C8orf76: variants seen among roughly 807,000 people sequenced by gnomAD.
C8orf76 encodes uncharacterized protein C8orf76.
C8orf76 carries 46 observed loss-of-function variants against 38.1 expected under a neutral mutation model. The observed-to-expected ratio is 1.21, with a 90% CI of 0.95 to 1.54. The LOEUF is 1.54. C8orf76 is among the 40% of genes most tolerant of loss of function. The probability of loss-of-function intolerance (pLI) is 0.00; values close to 1 mark genes in which losing one functional copy is unlikely to be tolerated. For missense variants in C8orf76, 461 were observed against 441.6 expected, an observed-to-expected ratio of 1.04 and a Z score of -0.39; for synonymous variants, 166 against 167.5, an observed-to-expected ratio of 0.99 and a Z score of 0.07.
chr8:123,225,801 T>G (rs929517601), intron 5 of C8orf76, among the ~76,000 whole-genome samples: 8 of 152,092 alleles, frequency 5.3e-5, no homozygotes, highest in African/African-American at 1.9e-4. Flanking sequence ...GGCACATGCC[T>G]GTGATCCCAG....
At chr8:123,233,079 G>A (rs1297873991) in intron 3 of C8orf76, among the ~76,000 whole-genome samples, 1 of 151,638 alleles carries the variant, frequency 6.6e-6, no homozygotes, top group Non-Finnish European at 1.5e-5. Context: ...GGAGTGCAAT[G>A]GTGCGATCTC....
At chr8:123,229,254 A>G (rs1407897219) in intron 4 of C8orf76, among the ~76,000 whole-genome samples, 1 of 152,252 alleles carries the variant, frequency 6.6e-6, no homozygotes, top group Non-Finnish European at 1.5e-5. Flanking sequence ...GTCTGGAATC[A>G]GAGACCAGCT....
chr8:123,226,347 C>T, intron 5 of C8orf76, 153 bp downstream of exon 5: 2 of 1,476,450 alleles, frequency 1.4e-6, no homozygotes, highest in South Asian at 1.4e-5. Context: ...AAGAGGCCGC[C>T]TTGGTGATTG....
chr8:123,221,762 C>T (rs1380522110), intron 5 of C8orf76, among the ~76,000 whole-genome samples: 1 of 151,778 alleles, frequency 6.6e-6, no homozygotes, highest in African/African-American at 2.4e-5. Context: ...AAAAATCAGC[C>T]GGGTATGGCA....
intron 5 of C8orf76, among the ~76,000 whole-genome samples, chr8:123,222,045 G>C (rs1313877027): frequency 1.3e-5 from 2 of 152,200 alleles, no homozygotes; most frequent in Non-Finnish European, 2.9e-5. Context: ...CTGGAGTGCA[G>C]TGGTGCAATC....
rs1825589947 is a variant in C8orf76, at chr8:123,238,937, A to G, written c.213+112T>C. ...CCTCAGATTATAAACACACATCACA[A>G]AAGATTAAACTCATCTTCATAAACA... On this transcript the variant is annotated intron_variant, in intron 2 of 5. Coordinates refer to ENST00000276704, the MANE Select transcript of C8orf76 (RefSeq NM_032847.3). The G allele has an allele frequency of 3.6e-6, 4 of 1,097,022 alleles. No homozygotes were observed. In the African/African-American group the frequency reaches 4.7e-5, roughly 13 times the overall value. The allele number at this position is 1,097,022 out of a possible 1,614,324, so 68.0% of individuals were successfully genotyped here.
chr8:123,233,704 G>A (rs1249834255), intron 3 of C8orf76, among the ~76,000 whole-genome samples: 3 of 151,828 alleles, frequency 2.0e-5, no homozygotes, highest in Admixed American at 6.6e-5. Flanking sequence ...AGGGTTTTGA[G>A]AGGTGGATTA....
At chr8:123,225,851 A>G (rs963261010) in intron 5 of C8orf76, among the ~76,000 whole-genome samples, 1 of 152,036 alleles carries the variant, frequency 6.6e-6, no homozygotes, top group Non-Finnish European at 1.5e-5. Context: ...CTTGAACCCA[A>G]GAGGTAGAGG....
chr8:123,231,010 C>G (rs1825243878), intron 4 of C8orf76, among the ~76,000 whole-genome samples: 1 of 152,096 alleles, frequency 6.6e-6, no homozygotes, highest in African/African-American at 2.4e-5. Flanking sequence ...GTTGCTCAGG[C>G]TGGTCTCAAA....
At position 123,220,310 on chromosome 8, in the gene C8orf76, G is replaced by T; in HGVS notation, c.949-13C>A. 8.0e-7 allele frequency: 1 copy of T among 1,247,716 alleles called. No homozygotes were observed. The highest frequency in any genetic ancestry group is 1.1e-6 in the Non-Finnish European group (1 of 937,794). The allele number at this position is 1,247,716 out of a possible 1,614,324, so 77.3% of individuals were successfully genotyped here. A position where few individuals can be genotyped will look rare whatever the true frequency, so the allele number is the denominator to read the frequency against. ...CTTCTCCCATAACCTATAACAGGAG[G>T]AAAAAAAAAAACTGTCCCAATAAAA... is the stretch of plus-strand genomic sequence containing the variant. On this transcript the variant is annotated splice_polypyrimidine_tract_variant and intron_variant, in intron 5 of 5. Transcript: ENST00000276704.
At chr8:123,228,994 C>CT (rs1825143549) in intron 4 of C8orf76, among the ~76,000 whole-genome samples, 2 of 152,334 alleles carry the variant, frequency 1.3e-5, no homozygotes, top group South Asian at 2.1e-4. Context: ...CAGCAATTGA[C>CT]TAAGTTCTTC....
At chr8:123,226,924 A>G (rs900151612) in intron 4 of C8orf76, among the ~76,000 whole-genome samples, 6 of 152,250 alleles carry the variant, frequency 3.9e-5, no homozygotes, top group South Asian at 2.1e-4. Flanking sequence ...TCCGGCCTCA[A>G]AAGAGCTTCC....
intron 4 of C8orf76, 143 bp downstream of exon 4, chr8:123,231,157 A>T (rs1825252021): frequency 9.6e-7 from 1 of 1,036,694 alleles, no homozygotes; most frequent in Admixed American, 3.1e-5. Flanking sequence ...CACTAGAATG[A>T]CAAACGTTCA....
chr8:123,238,428 TG>T (rs1349489740), intron 2 of C8orf76: 3 of 152,918 alleles, frequency 2.0e-5, no homozygotes, highest in African/African-American at 7.3e-5. Context: ...TATCTAGTCT[TG>T]GGTATTTCTT....
intron 3 of C8orf76, among the ~76,000 whole-genome samples, chr8:123,235,581 G>A (rs919394954): frequency 4.6e-5 from 7 of 152,152 alleles, no homozygotes; most frequent in Non-Finnish European, 1.0e-4. Context: ...CCACGAGCCC[G>A]CTTTCCACCT....
intron 4 of C8orf76, among the ~76,000 whole-genome samples, chr8:123,228,715 G>A (rs191279875): frequency 1.1e-3 from 165 of 151,604 alleles, no homozygotes; most frequent in African/African-American, 3.7e-3. Flanking sequence ...TCAGGCCTTC[G>A]GCACAAAGAC....
chr8:123,228,972 T>A (rs985743462), intron 4 of C8orf76, among the ~76,000 whole-genome samples: 1 of 152,228 alleles, frequency 6.6e-6, no homozygotes, highest in Admixed American at 6.5e-5. Context: ...TTCAGGTTCA[T>A]CCACTTAGCA....
intron 5 of C8orf76, among the ~76,000 whole-genome samples, chr8:123,224,997 GA>G (rs1436683417): frequency 6.6e-6 from 1 of 151,990 alleles, no homozygotes; most frequent in African/African-American, 2.4e-5. Flanking sequence ...AGACTGATCA[GA>G]AGTGTTTTTT....
At position 123,241,333 on chromosome 8, in the gene C8orf76, C is replaced by A. The variant is rs752840233; in HGVS notation, c.14G>T (p.Cys5Phe). 8 of 1,565,168 alleles carry A rather than the reference C, an allele frequency of 5.1e-6. No homozygotes were observed. In the South Asian group the frequency reaches 9.3e-5, roughly 18 times the overall value. Reference sequence around the variant, plus strand: ...CTCGAACTCGCCGCCGAACAACCAGCACCCGGAATCCATCTCGCGCCCGCG... The same window carrying A: ...CTCGAACTCGCCGCCGAACAACCAGAACCCGGAATCCATCTCGCGCCCGCG... MDSG[C>F]WLFGGEFEDS... Residue 5 changes from cysteine to phenylalanine, a missense_variant, in exon 1 of 6, where the codon TGC becomes TTC. Coordinates refer to ENST00000276704, the MANE Select transcript of C8orf76 (RefSeq NM_032847.3).
Sources: allele counts gnomAD v4.1 joint callset (sites outside exome capture counted in the v4.1 genomes callset), GRCh38; gene constraint gnomAD v4.1.1; transcripts MANE v1.5; gene names NCBI Gene and HGNC (gene_info 2026-07-23, HGNC 2026-07-21).